Variants in COL12A1 observed in about 807,000 individuals in gnomAD.
The protein encoded by COL12A1 is collagen alpha-1(XII) chain.
COL12A1 carries 114 observed loss-of-function variants against 349.7 expected under a neutral mutation model. The ratio of observed to expected loss-of-function variants is 0.33; its 90% CI spans 0.28 to 0.38. The LOEUF (loss-of-function observed/expected upper bound fraction) is 0.38. COL12A1 is among the 10% of genes least tolerant of loss of function. The pLI, the probability that COL12A1 is intolerant of heterozygous loss-of-function variation, is 1.00. For missense variants in COL12A1, 3,284 were observed against 3,756.9 expected (o/e 0.87, Z 3.29); for synonymous variants, 1,369 against 1,329.0 (o/e 1.03, Z -0.66).
In COL12A1 at chr6:75,133,336, A is replaced by G. The variant is rs1766405618; in HGVS notation, c.5751T>C (p.Tyr1917=). 3 of 1,611,664 alleles carry G rather than the reference A, an allele frequency of 1.9e-6. No homozygotes were observed. The highest frequency in any genetic ancestry group is 2.5e-6 in the Non-Finnish European group (3 of 1,178,932). Residue 1917 remains tyrosine, a synonymous_variant, in exon 34 of 66, where the codon TAT becomes TAC. Transcript: ENST00000322507. ...ATGTGCGTCCCCCATCACCTTCAGT[A>G]TAAACGGGAACTACAGTCACAGTGT... is the stretch of plus-strand genomic sequence containing the variant. The part of the protein sequence containing the change: ...TSYTVTVVPV[Y]TEGDGGRTSD...
chr6:75,118,159 G>A (rs1025282505), intron 46 of COL12A1, among the ~76,000 whole-genome samples: 6 of 152,248 alleles, frequency 3.9e-5, no homozygotes, highest in East Asian at 3.9e-4. Context: ...ATAAGGTAAC[G>A]TGAGAAGCAA....
intron 65 of COL12A1, chr6:75,087,191 A>T (rs9293994): frequency 0.028 from 6,121 of 221,596 alleles, 406 homozygotes; most frequent in African/African-American, 0.13. Context: ...GTTTACCCAT[A>T]AATTAGATTC....
intron 44 of COL12A1, 62 bp from the exon 45 acceptor site, chr6:75,119,535 A>C (rs1769251834): frequency 5.2e-6 from 8 of 1,541,392 alleles, no homozygotes; most frequent in Non-Finnish European, 7.0e-6. Flanking sequence ...TCAATCTTCA[A>C]ATGATTCTCT....
At chr6:75,148,237 G>T in intron 22 of COL12A1, 121 bp downstream of exon 22, 1 of 931,792 alleles carries the variant, frequency 1.1e-6, no homozygotes, top group Non-Finnish European at 1.6e-6. Context: ...CACTATTCTT[G>T]ACTCATTTCT....
chr6:75,166,146 G>C (rs1487175018), intron 13 of COL12A1, among the ~76,000 whole-genome samples: 1 of 151,940 alleles, frequency 6.6e-6, no homozygotes, highest in Non-Finnish European at 1.5e-5. Flanking sequence ...TGTCTGCCTT[G>C]TGACATGGCC....
intron 35 of COL12A1, among the ~76,000 whole-genome samples, chr6:75,131,282 C>T (rs1766289939): frequency 6.6e-6 from 1 of 152,168 alleles, no homozygotes. Flanking sequence ...CCCCAAAAAA[C>T]ATCCTGCATG....
In COL12A1 at chr6:75,115,930, T is replaced by C. The variant is rs376056956; in HGVS notation, c.7559-8A>G. On this transcript the variant is annotated splice_region_variant and splice_polypyrimidine_tract_variant and intron_variant, in intron 48 of 65. Coordinates refer to ENST00000322507, the MANE Select transcript of COL12A1 (RefSeq NM_004370.6). ...CTTCAAGCATTTTAAAACCTTTACA[T>C]CAGAAAAGAAAATATTAAACGGAGT... 5.6e-6 allele frequency: 9 copies of C among 1,612,140 alleles called. No homozygotes were observed. In the African/African-American group the frequency reaches 9.4e-5, roughly 17 times the overall value.
chr6:75,179,052 T>C (rs1307561429), intron 11 of COL12A1, among the ~76,000 whole-genome samples: 1 of 152,204 alleles, frequency 6.6e-6, no homozygotes, highest in Non-Finnish European at 1.5e-5. Context: ...CATGACTATT[T>C]ATAGGATTAT....
chr6:75,137,630 C>G (rs973925050), intron 30 of COL12A1, 51 bp from the exon 31 acceptor site: 8 of 1,599,942 alleles, frequency 5.0e-6, no homozygotes, highest in Non-Finnish European at 6.8e-6. Flanking sequence ...CAATGCCTCC[C>G]CCTAAAATAT....
chr6:75,146,672 A>T (rs1431996108), intron 23 of COL12A1, among the ~76,000 whole-genome samples: 1 of 152,196 alleles, frequency 6.6e-6, no homozygotes, highest in Non-Finnish European at 1.5e-5. Context: ...AACACTATAC[A>T]TTAATAACTG....
At chr6:75,181,340 C>G (rs1390187314) in intron 10 of COL12A1, 129 bp from the exon 11 acceptor site, 31 of 848,274 alleles carry the variant, frequency 3.7e-5, no homozygotes, top group Non-Finnish European at 5.1e-5. Context: ...GACTACTGTA[C>G]TGGGTATCTC....
intron 64 of COL12A1, 59 bp downstream of exon 64, chr6:75,089,047 G>T: frequency 8.3e-7 from 1 of 1,203,418 alleles, no homozygotes; most frequent in Non-Finnish European, 1.2e-6. Context: ...ATCTCTTCGG[G>T]ATGGTGTGCC....
intron 11 of COL12A1, among the ~76,000 whole-genome samples, chr6:75,178,458 A>C (rs1239819330): frequency 6.6e-6 from 1 of 152,248 alleles, no homozygotes; most frequent in African/African-American, 2.4e-5. Context: ...TCAACCATAC[A>C]CAGGATGGAA....
intron 34 of COL12A1, 124 bp downstream of exon 34, chr6:75,133,168 TA>T: frequency 1.2e-6 from 1 of 865,406 alleles, no homozygotes; most frequent in Non-Finnish European, 1.6e-6. Flanking sequence ...AAACTATGGC[TA>T]ATTTTTATGT....
chr6:75,187,749 T>C (rs1246243575), intron 8 of COL12A1, among the ~76,000 whole-genome samples: 1 of 152,044 alleles, frequency 6.6e-6, no homozygotes, highest in Non-Finnish European at 1.5e-5. Context: ...GATGGAAAAA[T>C]ATAAAGGCTT....
Position 75,152,352 on chromosome 6 carries a change from G to A in COL12A1, c.3696C>T (p.Gly1232=). The A allele has an allele frequency of 1.2e-6, 2 of 1,613,554 alleles. No individual in the cohort carries two copies. Among genetic ancestry groups the A allele is most frequent in the Non-Finnish European group, 1.7e-6 (2 of 1,179,712 alleles). Residue 1232 remains glycine, a synonymous_variant, in exon 18 of 66, where the codon GGC becomes GGT. Transcript: ENST00000322507. ...ISRIVEVFDI[G]PKRVQIALAQ... ...ACCTACCAATTTGTACTCTTTTGGG[G>A]CCAATGTCAAAGACTTCCACAATAC...
At chr6:75,188,571 G>A (rs1028922389) in intron 7 of COL12A1, 36 bp from the exon 8 acceptor site, 1 of 1,597,134 alleles carries the variant, frequency 6.3e-7, no homozygotes, top group African/African-American at 1.3e-5. Flanking sequence ...ATTGAAATGG[G>A]AAATGTGCCA....
chr6:75,126,264 C>T (rs1262137162), intron 39 of COL12A1, 87 bp downstream of exon 39: 3 of 1,452,614 alleles, frequency 2.1e-6, no homozygotes, highest in East Asian at 2.5e-5. Context: ...CTCAGGAGAA[C>T]CCAACAGTGG....
rs767047264 is a variant in COL12A1, at chr6:75,165,520, A to T, written c.2970T>A (p.Asp990Glu). ...AATGTTACCTACATTCAGTTGTGGC[A>T]TCTCCAGTCAAAGGTTCTCCTTCTC... ...SSGEGEPLTG[D>E]ATTELSQDSK... The change falls in exon 14 of 66, where the codon GAT becomes GAA. Residue 990 changes from aspartate (D) to glutamate (E), a missense_variant. Coordinates refer to ENST00000322507, the MANE Select transcript of COL12A1 (RefSeq NM_004370.6). 6.2e-7 allele frequency: 1 copy of T among 1,613,546 alleles called. No homozygotes were observed. The highest frequency in any genetic ancestry group is 8.5e-7 in the Non-Finnish European group (1 of 1,179,780).
Sources: allele counts gnomAD v4.1 joint callset (sites outside exome capture counted in the v4.1 genomes callset), GRCh38; gene constraint gnomAD v4.1.1; transcripts MANE v1.5; gene names NCBI Gene and HGNC (gene_info 2026-07-23, HGNC 2026-07-21).